The following DOCK3 variants were observed in gnomAD, a reference collection of about 807,000 sequenced individuals.
DOCK3 encodes dedicator of cytokinesis 3.
DOCK3 carries 60 observed loss-of-function variants against 265.6 expected under a neutral mutation model. The ratio of observed to expected loss-of-function variants is 0.23; its 90% CI spans 0.18 to 0.28. The LOEUF (loss-of-function observed/expected upper bound fraction) is 0.28. Among genes scored for constraint, DOCK3 ranks in the 10% least tolerant of loss-of-function variants. The pLI is 1.00. For synonymous variants in DOCK3, 881 were observed against 938.0 expected (o/e 0.94, Z 1.11); for missense variants, 1,981 against 2,594.3 (o/e 0.76, Z 5.14).
chr3:51,298,312 A>C (rs1423708433), intron 27 of DOCK3, among the ~76,000 whole-genome samples: 1 of 152,174 alleles, frequency 6.6e-6, no homozygotes, highest in South Asian at 2.1e-4. Flanking sequence ...TTTGTTCCTA[A>C]TTTGACTAAT....
At chr3:51,140,613 C>T (rs1055320953) in intron 9 of DOCK3, among the ~76,000 whole-genome samples, 1 of 152,042 alleles carries the variant, frequency 6.6e-6, no homozygotes, top group South Asian at 2.1e-4. Flanking sequence ...TGGATATATA[C>T]CTAGGAGTAG....
At chr3:51,065,618 A>G (rs1251626216) in intron 6 of DOCK3, among the ~76,000 whole-genome samples, 1 of 152,224 alleles carries the variant, frequency 6.6e-6, no homozygotes, top group Non-Finnish European at 1.5e-5. Context: ...TTTCCTCTTC[A>G]GATAAACAAA....
At chr3:51,152,197 C>T (rs901962441) in intron 10 of DOCK3, among the ~76,000 whole-genome samples, 4 of 151,222 alleles carry the variant, frequency 2.6e-5, no homozygotes, top group Non-Finnish European at 4.4e-5. Context: ...TTTATTTTTA[C>T]TTTTTTTTTC....
intron 12 of DOCK3, among the ~76,000 whole-genome samples, chr3:51,171,382 G>GA (rs1208841727): frequency 6.6e-6 from 1 of 152,068 alleles, no homozygotes; most frequent in Non-Finnish European, 1.5e-5. Context: ...ATTGTGGTCA[G>GA]AAAAAATAGT....
chr3:50,714,786 A>G (rs1231226149), intron 1 of DOCK3, among the ~76,000 whole-genome samples: 2 of 152,070 alleles, frequency 1.3e-5, no homozygotes, highest in Non-Finnish European at 2.9e-5. Context: ...TATCCAACCA[A>G]TCAAGTATCT....
chr3:51,374,430 G>A lies in DOCK3; in HGVS notation c.5294-39G>A. The stretch of plus-strand genomic sequence containing the variant: ...TTGACTGCTGGACCCTCCATCTGTG[G>A]CTTGTCATCTGTGCTTGATTGTTCT... On this transcript the variant is annotated intron_variant, in intron 49 of 52. Coordinates refer to ENST00000266037, the MANE Select transcript of DOCK3 (RefSeq NM_004947.5). This position sits in a 1 kb window ranked among gnomAD's most constrained non-coding sequence, Gnocchi z 4.8. 1 of 1,581,148 alleles carries A rather than the reference G, an allele frequency of 6.3e-7. No individual in the cohort carries two copies. Among genetic ancestry groups the A allele is most frequent in the South Asian group, 1.1e-5 (1 of 87,222 alleles).
chr3:50,764,507 A>G (rs1215673182), intron 1 of DOCK3, among the ~76,000 whole-genome samples: 3 of 152,104 alleles, frequency 2.0e-5, no homozygotes, highest in Non-Finnish European at 4.4e-5. Flanking sequence ...GCATCCATGG[A>G]TTTTGGTATT....
chr3:51,285,556 A>T (rs2081359318), intron 27 of DOCK3, among the ~76,000 whole-genome samples: 1 of 151,644 alleles, frequency 6.6e-6, no homozygotes, highest in Admixed American at 6.6e-5. Flanking sequence ...AGCAGACTAG[A>T]TCAAGCAGAA....
intron 3 of DOCK3, among the ~76,000 whole-genome samples, chr3:50,882,767 A>G (rs974709449): frequency 3.5e-4 from 53 of 152,176 alleles, no homozygotes; most frequent in Non-Finnish European, 5.0e-4. Context: ...CCATTACTGG[A>G]CATATACCCA....
intron 5 of DOCK3, among the ~76,000 whole-genome samples, chr3:50,935,192 A>G (rs1277105031): frequency 6.6e-6 from 1 of 152,206 alleles, no homozygotes; most frequent in Admixed American, 6.5e-5. Context: ...GCCCCAAAAG[A>G]CAGAAACTTT....
intron 23 of DOCK3, among the ~76,000 whole-genome samples, chr3:51,263,092 A>T (rs1016181119): frequency 2.0e-5 from 3 of 152,182 alleles, no homozygotes; most frequent in Non-Finnish European, 4.4e-5. Flanking sequence ...ACTCCTCGAG[A>T]AGAGCAGCCC....
intron 22 of DOCK3, among the ~76,000 whole-genome samples, chr3:51,249,668 A>G (rs4561824): frequency 0.011 from 335 of 29,716 alleles, no homozygotes; most frequent in East Asian, 0.026. Flanking sequence ...TCAGCCCCCC[A>G]CCCGGCCAGC....
At chr3:51,113,233 A>G (rs979950538) in intron 9 of DOCK3, among the ~76,000 whole-genome samples, 2 of 152,276 alleles carry the variant, frequency 1.3e-5, no homozygotes, top group East Asian at 3.9e-4. Context: ...AAATGAAGCA[A>G]TGAGAATCAC....
intron 7 of DOCK3, among the ~76,000 whole-genome samples, chr3:51,085,655 T>C (rs1405224543): frequency 1.3e-5 from 2 of 152,208 alleles, no homozygotes; most frequent in African/African-American, 4.8e-5. Context: ...CCAAATTCTG[T>C]GAGATATGGC....
chr3:50,809,905 C>T (rs943069142), intron 2 of DOCK3, among the ~76,000 whole-genome samples: 2 of 152,020 alleles, frequency 1.3e-5, no homozygotes, highest in Non-Finnish European at 1.5e-5. Flanking sequence ...TTTGGGAGGT[C>T]GAGGCAGGAG....
At chr3:51,284,574 C>T (rs759273531) in intron 27 of DOCK3, among the ~76,000 whole-genome samples, 4 of 152,148 alleles carry the variant, frequency 2.6e-5, no homozygotes, top group East Asian at 1.9e-4. Flanking sequence ...CATGCAGCTC[C>T]GATTTTTCTC....
In DOCK3 at chr3:51,171,551, C is replaced by T. The variant is rs368979743; in HGVS notation, c.1037+10849C>T. Among the ~76,000 whole-genome samples, 78 of 152,000 alleles carry T rather than the reference C, an allele frequency of 5.1e-4. 1 individual carries two copies. In the South Asian group the frequency reaches 0.016, roughly 32 times the overall value. On this transcript the variant is annotated intron_variant, in intron 12 of 52. Coordinates refer to ENST00000266037, the MANE Select transcript of DOCK3 (RefSeq NM_004947.5). ...CTAACACGGTGAAATCCCGTCTCTA[C>T]TAAAAATACAGAAAAATTAGCGGAG...
chr3:51,303,930 C>T (rs1002006746), intron 27 of DOCK3, among the ~76,000 whole-genome samples: 2 of 152,270 alleles, frequency 1.3e-5, no homozygotes, highest in Non-Finnish European at 2.9e-5. Flanking sequence ...AGCACTCTGG[C>T]TGCCCCTTGG....
rs150195663 is a variant in DOCK3, at chr3:50,948,334, C to T, written c.315+14257C>T. Among the ~76,000 whole-genome samples the T allele has an allele frequency of 2.4e-3, 365 of 149,194 alleles. 2 individuals are homozygous for T. Among genetic ancestry groups the T allele is most frequent in the African/African-American group, 8.4e-3 (343 of 40,878 alleles). ...CCTCCCAAAGTGCTGGGATTACAGG[C>T]GTGAGCCACCGCGCCTGGCCTCTGC... On this transcript the variant is annotated intron_variant, in intron 5 of 52. Coordinates refer to ENST00000266037, the MANE Select transcript of DOCK3 (RefSeq NM_004947.5).
Sources: allele counts gnomAD v4.1 joint callset (sites outside exome capture counted in the v4.1 genomes callset), GRCh38; gene constraint gnomAD v4.1.1; non-coding constraint Gnocchi (gnomAD v3.1); transcripts MANE v1.5; gene names NCBI Gene and HGNC (gene_info 2026-07-23, HGNC 2026-07-21).